The following FARS2 variants were observed in gnomAD, a reference collection of about 807,000 sequenced individuals.
FARS2 encodes the protein phenylalanine--tRNA ligase, mitochondrial.
In FARS2, 40 loss-of-function variants were observed where a neutral mutation model predicts 46.4. The ratio of observed to expected loss-of-function variants is 0.86; its 90% CI spans 0.67 to 1.12. The LOEUF (loss-of-function observed/expected upper bound fraction) is 1.12. FARS2 is among the 50% of genes most tolerant of loss of function. The pLI is 0.00. For missense variants in FARS2, 513 were observed against 567.9 expected, an observed-to-expected ratio of 0.90 and a Z score of 0.98; for synonymous variants, 234 against 214.9, an observed-to-expected ratio of 1.09 and a Z score of -0.78.
chr6:5,746,459 AG>A (rs1377933700), intron 6 of FARS2, among the ~76,000 whole-genome samples: 1 of 152,074 alleles, frequency 6.6e-6, no homozygotes, highest in Non-Finnish European at 1.5e-5. Context: ...ATTGTCTTTG[AG>A]GTCCTGCCAC....
chr6:5,674,381 G>T (rs116135192), intron 6 of FARS2, among the ~76,000 whole-genome samples: 1 of 151,886 alleles, frequency 6.6e-6, no homozygotes, highest in Admixed American at 6.6e-5. Context: ...ACTTCCTGTC[G>T]AGGATGTTTT....
intron 5 of FARS2, among the ~76,000 whole-genome samples, chr6:5,549,642 A>T (rs1179502957): frequency 1.3e-5 from 2 of 152,176 alleles, no homozygotes; most frequent in Admixed American, 1.3e-4. Flanking sequence ...TCCCATCTCA[A>T]AATACTTCTC....
At chr6:5,660,162 A>G (rs1022783768) in intron 6 of FARS2, among the ~76,000 whole-genome samples, 1 of 152,182 alleles carries the variant, frequency 6.6e-6, no homozygotes, top group Non-Finnish European at 1.5e-5. Flanking sequence ...TCATTCATAC[A>G]TTTGTTTATT....
intron 4 of FARS2, chr6:5,466,537 T>C: frequency 6.1e-6 from 6 of 985,056 alleles, no homozygotes; most frequent in Non-Finnish European, 7.2e-6. Flanking sequence ...ATTGGAAGTT[T>C]TGTTTGTTTG....
At chr6:5,329,707 A>G (rs1247577879) in intron 1 of FARS2, among the ~76,000 whole-genome samples, 1 of 152,228 alleles carries the variant, frequency 6.6e-6, no homozygotes, top group African/African-American at 2.4e-5. Context: ...TCAGGAAAGC[A>G]TCGTACTTAC....
chr6:5,645,097 A>G (rs976608955), intron 6 of FARS2, among the ~76,000 whole-genome samples: 1 of 152,194 alleles, frequency 6.6e-6, no homozygotes, highest in Non-Finnish European at 1.5e-5. Flanking sequence ...CCCCACCTTC[A>G]AGGGTGCTTA....
chr6:5,602,350 C>T (rs542291700), intron 5 of FARS2, among the ~76,000 whole-genome samples: 14 of 151,984 alleles, frequency 9.2e-5, no homozygotes, highest in South Asian at 2.1e-4. Flanking sequence ...AGTCATGGAA[C>T]GATAAAAGGA....
chr6:5,330,359 T>G (rs1770715173), intron 1 of FARS2, among the ~76,000 whole-genome samples: 1 of 152,196 alleles, frequency 6.6e-6, no homozygotes, highest in African/African-American at 2.4e-5. Flanking sequence ...TACTTCGCCA[T>G]GTAGGTGTAG....
chr6:5,280,103 G>A (rs1766618815), intron 1 of FARS2, among the ~76,000 whole-genome samples: 1 of 152,178 alleles, frequency 6.6e-6, no homozygotes, highest in African/African-American at 2.4e-5. Flanking sequence ...CAGTGACAGT[G>A]CTGTGGCTGC....
At chr6:5,581,725 C>A (rs1561729498) in intron 5 of FARS2, among the ~76,000 whole-genome samples, 2 of 152,118 alleles carry the variant, frequency 1.3e-5, no homozygotes, top group Non-Finnish European at 1.5e-5. Flanking sequence ...ATGTGCTTTT[C>A]TAAATGGTCA....
intron 3 of FARS2, among the ~76,000 whole-genome samples, chr6:5,429,679 C>T (rs563869264): frequency 4.6e-5 from 7 of 152,196 alleles, no homozygotes; most frequent in East Asian, 3.9e-4. Context: ...GGCATGATGA[C>T]GCGTGCTTGT....
At chr6:5,392,872 T>C (rs1359386887) in intron 2 of FARS2, among the ~76,000 whole-genome samples, 1 of 146,756 alleles carries the variant, frequency 6.8e-6, no homozygotes, top group African/African-American at 2.5e-5. Flanking sequence ...GTATATATTA[T>C]ATATATGTAT....
intron 2 of FARS2, among the ~76,000 whole-genome samples, chr6:5,371,441 A>T (rs948096658): frequency 6.6e-6 from 1 of 152,190 alleles, no homozygotes; most frequent in African/African-American, 2.4e-5. Flanking sequence ...AGCAAGAAGA[A>T]AAGTAAATAC....
intron 6 of FARS2, among the ~76,000 whole-genome samples, chr6:5,761,518 A>T (rs919253222): frequency 5.3e-5 from 8 of 152,244 alleles, no homozygotes; most frequent in African/African-American, 1.9e-4. Context: ...CTGTTCTGTT[A>T]CCTGACTCAT....
At chr6:5,590,912 T>C (rs1773883375) in intron 5 of FARS2, among the ~76,000 whole-genome samples, 1 of 152,186 alleles carries the variant, frequency 6.6e-6, no homozygotes, top group Admixed American at 6.5e-5. Context: ...AGAGTGAAAT[T>C]CCTGGAAAAT....
chr6:5,581,436 G>T (rs751320956), intron 5 of FARS2, among the ~76,000 whole-genome samples: 4 of 152,166 alleles, frequency 2.6e-5, no homozygotes, highest in Non-Finnish European at 5.9e-5. Flanking sequence ...TGTCTAGCCG[G>T]CTAGTGCTGC....
chr6:5,348,098 C>A (rs1192089658), intron 1 of FARS2, among the ~76,000 whole-genome samples: 1 of 152,166 alleles, frequency 6.6e-6, no homozygotes. Context: ...GTGTCATATT[C>A]TTTGCCGGTC....
At chr6:5,321,935 A>G (rs1770007245) in intron 1 of FARS2, among the ~76,000 whole-genome samples, 1 of 152,234 alleles carries the variant, frequency 6.6e-6, no homozygotes, top group Non-Finnish European at 1.5e-5. Flanking sequence ...GTGGGACATA[A>G]GTTATGTCTT....
intron 1 of FARS2, among the ~76,000 whole-genome samples, chr6:5,297,136 A>G (rs1767950066): frequency 1.3e-5 from 2 of 152,206 alleles, no homozygotes; most frequent in East Asian, 1.9e-4. Context: ...CAGAGAGGTT[A>G]GGTGAGCTCA....
Sources: gnomAD v4.1 joint callset for allele counts (sites outside exome capture counted in the v4.1 genomes callset) on GRCh38, gnomAD v4.1.1 for gene constraint, MANE v1.5 for transcripts, NCBI Gene and HGNC (gene_info 2026-07-23, HGNC 2026-07-21) for gene names.